Variants in ADAMTS12 observed in about 807,000 individuals in gnomAD.
ADAMTS12 encodes A disintegrin and metalloproteinase with thrombospondin motifs 12.
A neutral mutation model predicts 167.8 loss-of-function variants in ADAMTS12; 118 were observed. The ratio of observed to expected loss-of-function variants is 0.70; its 90% CI spans 0.61 to 0.82. The LOEUF is 0.82. Ranked by LOEUF, ADAMTS12 falls within the 40% of genes least tolerant of loss-of-function variation. The pLI is 0.00. For synonymous variants in ADAMTS12, 704 were observed against 716.9 expected (o/e 0.98, Z 0.29); for missense variants, 1,916 against 1,998.8 (o/e 0.96, Z 0.79).
At chr5:33,563,865 T>G (rs1054264901) in intron 19 of ADAMTS12, among the ~76,000 whole-genome samples, 1 of 152,142 alleles carries the variant, frequency 6.6e-6, no homozygotes, top group Non-Finnish European at 1.5e-5. Flanking sequence ...TCCTTTTATC[T>G]CCTAAGTCAT....
At chr5:33,879,014 G>A (rs905472155) in intron 2 of ADAMTS12, among the ~76,000 whole-genome samples, 1 of 152,136 alleles carries the variant, frequency 6.6e-6, no homozygotes, top group Non-Finnish European at 1.5e-5. Context: ...CCCTAGGAGT[G>A]GAGGAATGGG....
chr5:33,715,559 A>G (rs1743574590), intron 3 of ADAMTS12, among the ~76,000 whole-genome samples: 1 of 152,140 alleles, frequency 6.6e-6, no homozygotes. Context: ...TTGAGATGCA[A>G]TCCTAGATTC....
chr5:33,792,060 C>T (rs1002766598), intron 2 of ADAMTS12, among the ~76,000 whole-genome samples: 5 of 146,496 alleles, frequency 3.4e-5, no homozygotes, highest in Admixed American at 6.9e-5. Flanking sequence ...TGCAGTGGCA[C>T]GATCTCGGCT....
chr5:33,689,387 G>A (rs1363702684), intron 3 of ADAMTS12, among the ~76,000 whole-genome samples: 1 of 140,970 alleles, frequency 7.1e-6, no homozygotes, highest in Non-Finnish European at 1.5e-5. Context: ...TAAAATTTCA[G>A]CATGAGGAAT....
At chr5:33,704,069 A>C (rs926402776) in intron 3 of ADAMTS12, among the ~76,000 whole-genome samples, 3 of 152,126 alleles carry the variant, frequency 2.0e-5, no homozygotes, top group African/African-American at 7.2e-5. Flanking sequence ...ATAAAGCCAA[A>C]CTTCTTTACG....
At chr5:33,832,845 G>A (rs148913555) in intron 2 of ADAMTS12, among the ~76,000 whole-genome samples, 53 of 152,308 alleles carry the variant, frequency 3.5e-4, no homozygotes, top group African/African-American at 9.4e-4. Context: ...AAAGACAGCC[G>A]TGGGAGGTAG....
chr5:33,725,464 A>G (rs558651064), intron 3 of ADAMTS12, among the ~76,000 whole-genome samples: 1 of 152,354 alleles, frequency 6.6e-6, no homozygotes, highest in African/African-American at 2.4e-5. Flanking sequence ...TTATGATACT[A>G]AATTCTGTTG....
intron 2 of ADAMTS12, among the ~76,000 whole-genome samples, chr5:33,765,605 C>T (rs1038852138): frequency 6.6e-6 from 1 of 151,956 alleles, no homozygotes; most frequent in Non-Finnish European, 1.5e-5. Context: ...GATGAACTTG[C>T]TGGAAGCAAA....
intron 11 of ADAMTS12, among the ~76,000 whole-genome samples, chr5:33,640,151 G>A (rs908239456): frequency 7.9e-5 from 12 of 152,300 alleles, no homozygotes; most frequent in African/African-American, 2.9e-4. Flanking sequence ...CTCATGCACT[G>A]GCCTGAATCT....
At chr5:33,829,310 C>G (rs1748210337) in intron 2 of ADAMTS12, among the ~76,000 whole-genome samples, 1 of 152,180 alleles carries the variant, frequency 6.6e-6, no homozygotes, top group South Asian at 2.1e-4. Flanking sequence ...GCCTTACTAG[C>G]AAAGCTTCAT....
At chr5:33,622,410 C>T (rs1283803128) in intron 14 of ADAMTS12, among the ~76,000 whole-genome samples, 1 of 152,174 alleles carries the variant, frequency 6.6e-6, no homozygotes, top group East Asian at 1.9e-4. Flanking sequence ...AATCCCAGCA[C>T]TTTGGGAAGC....
intron 19 of ADAMTS12, among the ~76,000 whole-genome samples, chr5:33,568,006 C>T (rs1746096484): frequency 6.6e-6 from 1 of 152,106 alleles, no homozygotes; most frequent in African/African-American, 2.4e-5. Context: ...CTTGCCTCTA[C>T]AATAGGGAAA....
intron 2 of ADAMTS12, among the ~76,000 whole-genome samples, chr5:33,834,292 G>A (rs1302122275): frequency 6.6e-6 from 1 of 152,110 alleles, no homozygotes; most frequent in Non-Finnish European, 1.5e-5. Context: ...TCCATAACAG[G>A]GGCCCAATAT....
intron 2 of ADAMTS12, among the ~76,000 whole-genome samples, chr5:33,864,842 G>A (rs989971164): frequency 6.6e-6 from 1 of 152,108 alleles, no homozygotes; most frequent in Non-Finnish European, 1.5e-5. Context: ...CCTGTAGGGG[G>A]TTAGGGGGCT....
chr5:33,746,748 G>T (rs1469991845), intron 3 of ADAMTS12, among the ~76,000 whole-genome samples: 1 of 152,224 alleles, frequency 6.6e-6, no homozygotes, highest in Non-Finnish European at 1.5e-5. Context: ...TTTTGTAGAT[G>T]TGATTAAAGC....
At chr5:33,589,307 A>G (rs1434368054) in intron 17 of ADAMTS12, among the ~76,000 whole-genome samples, 1 of 152,224 alleles carries the variant, frequency 6.6e-6, no homozygotes, top group African/African-American at 2.4e-5. Context: ...TGAATAAAAG[A>G]GTCCAATTAG....
chr5:33,824,208 T>C (rs1020733467), intron 2 of ADAMTS12, among the ~76,000 whole-genome samples: 3 of 152,094 alleles, frequency 2.0e-5, no homozygotes, highest in African/African-American at 4.8e-5. Context: ...ATGGTTAATT[T>C]TACTTCACCT....
intron 2 of ADAMTS12, among the ~76,000 whole-genome samples, chr5:33,875,644 C>T (rs180752253): frequency 2.0e-5 from 3 of 152,200 alleles, no homozygotes; most frequent in East Asian, 3.9e-4. Flanking sequence ...TCTCAGAAAA[C>T]TTCCGTGACT....
chr5:33,774,655 G>GA (rs79583025), intron 2 of ADAMTS12, among the ~76,000 whole-genome samples: 32,276 of 151,994 alleles, frequency 0.21, 4,609 homozygotes, highest in East Asian at 0.4. Context: ...TTGTCCAGTA[G>GA]AATACAAATG....
Sources: allele counts gnomAD v4.1 joint callset (sites outside exome capture counted in the v4.1 genomes callset), GRCh38; gene constraint gnomAD v4.1.1; transcripts MANE v1.5; gene names NCBI Gene and HGNC (gene_info 2026-07-23, HGNC 2026-07-21).